C11orf65: variants seen among roughly 807,000 people sequenced by gnomAD.
The protein encoded by C11orf65 is chromosome 11 open reading frame 65.
A neutral mutation model predicts 35.3 loss-of-function variants in C11orf65; 38 were observed. The observed-to-expected ratio is 1.08, with a 90% CI of 0.83 to 1.41. The LOEUF is 1.41. C11orf65 is among the 40% of genes most tolerant of loss of function. The pLI is 0.00. For missense variants in C11orf65, 370 were observed against 367.1 expected (o/e 1.01, Z -0.06); for synonymous variants, 105 against 114.4 (o/e 0.92, Z 0.53).
intron 2 of C11orf65, among the ~76,000 whole-genome samples, chr11:108,375,461 G>A (rs1026490451): frequency 8.6e-5 from 13 of 150,554 alleles, no homozygotes; most frequent in African/African-American, 3.1e-4. Context: ...CACCAGGCCT[G>A]CCCTAAAAGA....
Position 108,325,532 on chromosome 11 carries a change from C to T in C11orf65, c.641-16461G>A, listed in dbSNP as rs3218699. The T allele has an allele frequency of 5.1e-4, 821 of 1,601,862 alleles. 1 individual carries two copies. The highest frequency in any genetic ancestry group is 6.4e-4 in the Non-Finnish European group (749 of 1,170,890). On this transcript the variant is annotated intron_variant, in intron 6 of 6. Coordinates refer to the C11orf65 transcript ENST00000525729. Reference sequence around the variant, plus strand: ...AACTCTCTATACTGGCCAGAACTTTCAAGAACACTCAGGTAAATACAATTT... The same window carrying T: ...AACTCTCTATACTGGCCAGAACTTTTAAGAACACTCAGGTAAATACAATTT...
intron 3 of C11orf65, among the ~76,000 whole-genome samples, chr11:108,419,797 A>T (rs2092789096): frequency 6.6e-6 from 1 of 152,210 alleles, no homozygotes; most frequent in South Asian, 2.1e-4. Flanking sequence ...AACAAACAAA[A>T]ATAGCATACC....
chr11:108,405,664 T>G, intron 5 of C11orf65, 105 bp from the exon 6 acceptor site: 9 of 1,149,148 alleles, frequency 7.8e-6, no homozygotes, highest in African/African-American at 1.6e-5. Context: ...TATGGCAAGA[T>G]AGAAACAGAG....
rs546468703 is a variant in C11orf65 at position 108,349,999 on chromosome 11, A to T, written c.227-14707T>A. ...TATATTTGCTATTGTGTTTTTGCTG[A>T]GAAATAGAAAGCATGCTCATTTGCT... On this transcript the variant is annotated intron_variant, in intron 2 of 3. Transcript: ENST00000524755. Among the ~76,000 whole-genome samples, 5 of 152,274 alleles carry T rather than the reference A, an allele frequency of 3.3e-5. No homozygotes were observed. In the South Asian group the frequency reaches 1.0e-3, roughly 32 times the overall value.
chr11:108,367,005 T>G (rs1469068190), intron 2 of C11orf65: 1 of 195,388 alleles, frequency 5.1e-6, no homozygotes, highest in Non-Finnish European at 1.1e-5. Context: ...CATTTTTTTC[T>G]GAGACAGAGT....
intron 6 of C11orf65, chr11:108,317,617 A>T (rs1385585779): frequency 3.0e-3 from 75 of 25,328 alleles, no homozygotes; most frequent in South Asian, 0.019. Flanking sequence ...GAGTTGTTTT[A>T]TATATATATA....
chr11:108,323,504 T>C (rs2085381737), intron 6 of C11orf65, among the ~76,000 whole-genome samples: 1 of 152,180 alleles, frequency 6.6e-6, no homozygotes, highest in Non-Finnish European at 1.5e-5. Context: ...AGGGCAACTG[T>C]AGTTAACAGT....
chr11:108,425,408 T>C (rs1256259699), intron 3 of C11orf65, among the ~76,000 whole-genome samples: 1 of 152,086 alleles, frequency 6.6e-6, no homozygotes, highest in Non-Finnish European at 1.5e-5. Flanking sequence ...AAGAAATGGA[T>C]AAATTCCTGG....
intron 3 of C11orf65, among the ~76,000 whole-genome samples, chr11:108,422,748 GGCGGGCACCT>G (rs1274322991): frequency 1.3e-5 from 2 of 152,064 alleles, no homozygotes; most frequent in Admixed American, 1.3e-4. Context: ...AGGGCATGGT[GGCGGGCACCT>G]GTAGTCCCAG....
At chr11:108,428,651 G>C (rs572624747) in intron 3 of C11orf65, among the ~76,000 whole-genome samples, 5 of 152,102 alleles carry the variant, frequency 3.3e-5, no homozygotes, top group Admixed American at 3.3e-4. Flanking sequence ...TCACATACTG[G>C]GGTCTGTAGA....
chr11:108,351,758 T>C (rs2089227921), intron 2 of C11orf65, among the ~76,000 whole-genome samples: 1 of 152,248 alleles, frequency 6.6e-6, no homozygotes, highest in Non-Finnish European at 1.5e-5. Context: ...CACATAGTCA[T>C]GTCATAGGGT....
intron 6 of C11orf65, chr11:108,326,220 G>C (rs2136340252): frequency 6.2e-7 from 1 of 1,614,064 alleles, no homozygotes; most frequent in Non-Finnish European, 8.5e-7. Context: ...TGCCAGCTGT[G>C]CAGCGGTTTG....
At position 108,367,661 on chromosome 11, in the gene C11orf65, G is replaced by A. The variant is rs1021493177; in HGVS notation, c.226+25547C>T. On this transcript the variant is annotated intron_variant, in intron 2 of 3. Coordinates refer to the C11orf65 transcript ENST00000524755. ...ATAAATTTTTTTCTTATGAAGAGTT[G>A]GCATTTCTTTTTATTGCCAATGGCA... 2.2e-4 allele frequency: 46 copies of A among 212,856 alleles called. No homozygotes were observed. The highest frequency in any genetic ancestry group is 5.7e-5 in the Non-Finnish European group (6 of 105,006). The allele number at this position is 212,856 out of a possible 1,614,324, so 13.2% of individuals were successfully genotyped here.
chr11:108,356,540 T>TTA (rs2089944752), intron 2 of C11orf65, among the ~76,000 whole-genome samples: 1 of 97,800 alleles, frequency 1.0e-5, no homozygotes, highest in African/African-American at 3.6e-5. Flanking sequence ...CTGTCTGTCT[T>TTA]AAAAAAAAAA....
chr11:108,421,531 G>A (rs1409825442), intron 3 of C11orf65, among the ~76,000 whole-genome samples: 5 of 152,136 alleles, frequency 3.3e-5, no homozygotes, highest in African/African-American at 1.2e-4. Flanking sequence ...TGGTGGTGGC[G>A]CCTGTAATCC....
intron 2 of C11orf65, among the ~76,000 whole-genome samples, chr11:108,359,905 AC>A (rs1161198597): frequency 3.9e-5 from 6 of 152,176 alleles, no homozygotes; most frequent in Non-Finnish European, 8.8e-5. Flanking sequence ...GGAAGAGCAA[AC>A]ACATTCAAAA....
At chr11:108,414,358 A>G (rs1009153134) in intron 3 of C11orf65, among the ~76,000 whole-genome samples, 2 of 152,046 alleles carry the variant, frequency 1.3e-5, no homozygotes, top group Non-Finnish European at 2.9e-5. Context: ...AGGAAAAAAA[A>G]AGAAACAAAA....
intron 7 of C11orf65, among the ~76,000 whole-genome samples, chr11:108,391,754 C>G (rs1271180863): frequency 2.0e-5 from 3 of 151,660 alleles, no homozygotes; most frequent in Admixed American, 6.6e-5. Context: ...CCCCCTCCCC[C>G]CAGTTAATTC....
At chr11:108,448,147 T>C (rs2093291952) in intron 2 of C11orf65, among the ~76,000 whole-genome samples, 1 of 152,116 alleles carries the variant, frequency 6.6e-6, no homozygotes, top group Non-Finnish European at 1.5e-5. Context: ...AATCAATAGC[T>C]TACCAACCAA....
Sources: gnomAD v4.1 joint callset for allele counts (sites outside exome capture counted in the v4.1 genomes callset) on GRCh38, gnomAD v4.1.1 for gene constraint, MANE v1.5 for transcripts, NCBI Gene and HGNC (gene_info 2026-07-23, HGNC 2026-07-21) for gene names.